LEPR: variants seen among roughly 807,000 people sequenced by gnomAD.
LEPR encodes OB receptor.
In LEPR, 56 loss-of-function variants were observed where a neutral mutation model predicts 114.7. The observed-to-expected ratio is 0.49, with a 90% CI of 0.39 to 0.61. The LOEUF (loss-of-function observed/expected upper bound fraction) is 0.61. Ranked by LOEUF, LEPR falls within the 20% of genes least tolerant of loss-of-function variation. The pLI, the probability that LEPR is intolerant of heterozygous loss-of-function variation, is 0.00. For synonymous variants in LEPR, 443 were observed against 461.4 expected (o/e 0.96, Z 0.51); for missense variants, 1,202 against 1,352.9 (o/e 0.89, Z 1.75).
intron 17 of LEPR, among the ~76,000 whole-genome samples, chr1:65,620,522 A>G (rs1413423978): frequency 1.3e-5 from 2 of 152,214 alleles, no homozygotes; most frequent in Non-Finnish European, 2.9e-5. Flanking sequence ...AAATAATTAT[A>G]TAATGTCAGA....
chr1:65,619,987 G>T lies in LEPR; in HGVS notation c.2455G>T (p.Val819Leu). 6.2e-7 allele frequency: 1 copy of T among 1,612,136 alleles called. No homozygotes were observed. Among genetic ancestry groups the T allele is most frequent in the South Asian group, 1.1e-5 (1 of 91,020 alleles). ...TCTTTACCCAATATTTATGGAAGGA[G>T]TGGGAAAACCAAAGATAATTAATAG... ...FSLYPIFMEG[V>L]GKPKIINSFT... Residue 819 changes from valine to leucine, a missense_variant, in exon 17 of 20, where the codon GTG becomes TTG. Physicochemically the swap from Val to Leu is conservative, Grantham distance 32. Coordinates refer to ENST00000349533, the MANE Select transcript of LEPR (RefSeq NM_002303.6).
chr1:65,584,967 A>G (rs1655221070), intron 5 of LEPR, among the ~76,000 whole-genome samples: 1 of 151,906 alleles, frequency 6.6e-6, no homozygotes, highest in Non-Finnish European at 1.5e-5. Context: ...GGTCAGCACT[A>G]CTTACTTGGC....
intron 2 of LEPR, among the ~76,000 whole-genome samples, chr1:65,551,069 C>G (rs1007588675): frequency 6.6e-6 from 1 of 152,106 alleles, no homozygotes; most frequent in African/African-American, 2.4e-5. Flanking sequence ...ATGAAGCCGA[C>G]TTCATCGTGG....
chr1:65,558,063 A>G (rs1220543090), intron 2 of LEPR, among the ~76,000 whole-genome samples: 4 of 152,200 alleles, frequency 2.6e-5, no homozygotes, highest in African/African-American at 9.6e-5. Flanking sequence ...CTGAATTACT[A>G]TAGTCACTAG....
At chr1:65,619,848 T>C in intron 16 of LEPR, 80 bp from the exon 17 acceptor site, 1 of 1,100,708 alleles carries the variant, frequency 9.1e-7, no homozygotes, top group Non-Finnish European at 1.4e-6. Flanking sequence ...ATAGTCACTT[T>C]AATTCTTTTT....
intron 2 of LEPR, among the ~76,000 whole-genome samples, chr1:65,488,551 A>G (rs1399966149): frequency 6.6e-6 from 1 of 150,768 alleles, no homozygotes; most frequent in Non-Finnish European, 1.5e-5. Context: ...TTGGTGTCAA[A>G]CTCCTGAGCT....
intron 10 of LEPR, among the ~76,000 whole-genome samples, chr1:65,603,616 T>C (rs1033577794): frequency 6.6e-5 from 10 of 152,024 alleles, no homozygotes; most frequent in Admixed American, 1.3e-4. Context: ...GGGGCCCCCA[T>C]GTGGACTAGG....
chr1:65,545,603 T>A (rs551419430), intron 2 of LEPR, among the ~76,000 whole-genome samples: 1 of 152,396 alleles, frequency 6.6e-6, no homozygotes, highest in South Asian at 2.1e-4. Flanking sequence ...CATAAATGTC[T>A]TCTTTTGAGA....
intron 18 of LEPR, among the ~76,000 whole-genome samples, chr1:65,621,817 T>A (rs939453538): frequency 6.8e-4 from 104 of 152,078 alleles, no homozygotes; most frequent in Admixed American, 6.8e-3. Flanking sequence ...TATCACAAGC[T>A]TGGAATGTTT....
At chr1:65,581,688 C>T (rs747694892) in intron 5 of LEPR, among the ~76,000 whole-genome samples, 29 of 152,118 alleles carry the variant, frequency 1.9e-4, no homozygotes, top group African/African-American at 6.3e-4. Flanking sequence ...TCTGGAGAGG[C>T]TAGACACTTC....
Position 65,637,003 on chromosome 1 carries a change from C to T in LEPR, c.3486C>T (p.Asp1162=). The T allele has an allele frequency of 6.2e-7, 1 of 1,613,348 alleles. No individual in the cohort carries two copies. The highest frequency in any genetic ancestry group is 8.5e-7 in the Non-Finnish European group (1 of 1,179,868). The change falls in exon 20 of 20, where the codon GAC becomes GAT. Residue 1162 remains aspartate, a synonymous_variant. Transcript: ENST00000349533. The part of the protein sequence containing the change: ...THKIMENKMC[D]LTV ...AGATCATGGAAAACAAGATGTGTGA[C>T]CTAACTGTGTAATTTCACTGAAGAA...
At chr1:65,429,974 C>A in intron 2 of LEPR, 2 of 1,580,320 alleles carry the variant, frequency 1.3e-6, no homozygotes, top group Non-Finnish European at 1.7e-6. Context: ...CTGTCGGGAA[C>A]TGGCATATTT....
chr1:65,610,291 T>C lies in LEPR; in HGVS notation c.1990T>C (p.Trp664Arg). Residue 664 changes from tryptophan (W) to arginine (R), a missense_variant, in exon 14 of 20, where the codon TGG becomes CGG. By Grantham distance (101) the Trp-to-Arg change is moderately radical. Transcript: ENST00000349533. The stretch of plus-strand genomic sequence containing the variant: ...AAAGGAGAAAAATGTCACTTTACTT[T>C]GGAAGGTATTCCCAATTTTAATATT... ...MKKEKNVTLL[W>R]KPLMKNDSLC... is the part of the protein sequence containing the mutation. 1 of 1,609,912 alleles carries C rather than the reference T, an allele frequency of 6.2e-7. No individual in the cohort carries two copies. Among genetic ancestry groups the C allele is most frequent in the Non-Finnish European group, 8.5e-7 (1 of 1,176,778 alleles).
intron 3 of LEPR, 37 bp from the exon 4 acceptor site, chr1:65,570,435 AT>A: frequency 6.3e-7 from 1 of 1,591,304 alleles, no homozygotes; most frequent in Non-Finnish European, 8.6e-7. Context: ...AGTCAAAATG[AT>A]TACTTTTTTC....
intron 2 of LEPR, among the ~76,000 whole-genome samples, chr1:65,548,317 A>G (rs1445722331): frequency 1.2e-4 from 19 of 152,098 alleles, no homozygotes; most frequent in Non-Finnish European, 5.9e-5. Flanking sequence ...GTAGATGTCT[A>G]TTAGGTCTGC....
At chr1:65,601,764 A>G in intron 9 of LEPR, 79 bp from the exon 10 acceptor site, 1 of 1,591,790 alleles carries the variant, frequency 6.3e-7, no homozygotes, top group Non-Finnish European at 8.6e-7. Flanking sequence ...AGTCCTGTTA[A>G]AGATGTAAGA....
intron 2 of LEPR, among the ~76,000 whole-genome samples, chr1:65,456,426 A>G (rs893761657): frequency 4.6e-5 from 7 of 152,120 alleles, no homozygotes; most frequent in Non-Finnish European, 1.0e-4. Flanking sequence ...CAGGTCTCCA[A>G]CTACAATCAT....
chr1:65,480,666 A>G (rs1322243611), intron 2 of LEPR, among the ~76,000 whole-genome samples: 1 of 152,152 alleles, frequency 6.6e-6, no homozygotes, highest in Non-Finnish European at 1.5e-5. Context: ...TTATTTATAT[A>G]TTAAAGATAT....
Position 65,522,697 on chromosome 1 carries a change from A to G in LEPR, c.-20-42849A>G, listed in dbSNP as rs114764814. On this transcript the variant is annotated intron_variant, in intron 2 of 19. Transcript: ENST00000349533. ...TGGATAAAATATTTCTCCTGATTTAAGTAACTATAATTTCAGTCATGATTC... is the reference window on the plus strand; with the variant it reads ...TGGATAAAATATTTCTCCTGATTTAGGTAACTATAATTTCAGTCATGATTC... 8.2e-3 allele frequency among the ~76,000 whole-genome samples: 1,250 copies of G among 152,338 alleles called. 13 individuals are homozygous for G. The highest frequency in any genetic ancestry group is 0.029 in the African/African-American group (1,191 of 41,578).
Sources: gnomAD v4.1 joint callset for allele counts (sites outside exome capture counted in the v4.1 genomes callset) on GRCh38, gnomAD v4.1.1 for gene constraint, MANE v1.5 for transcripts, NCBI Gene and HGNC (gene_info 2026-07-23, HGNC 2026-07-21) for gene names.